CTIF: variants seen among roughly 807,000 people sequenced by gnomAD.
The protein encoded by CTIF is CBP80/20-dependent translation initiation factor.
CTIF carries 21 observed loss-of-function variants against 66.0 expected under a neutral mutation model. The ratio of observed to expected loss-of-function variants is 0.32; its 90% CI spans 0.23 to 0.46. CTIF has a LOEUF of 0.46. Ranked by LOEUF, CTIF falls within the 20% of genes least tolerant of loss-of-function variation. CTIF has a pLI of 1.00. For synonymous variants in CTIF, 345 were observed against 326.4 expected, an observed-to-expected ratio of 1.06 and a Z score of -0.62; for missense variants, 739 against 812.7, an observed-to-expected ratio of 0.91 and a Z score of 1.10.
chr18:48,702,954 G>T (rs1263710579), intron 6 of CTIF, among the ~76,000 whole-genome samples: 1 of 152,018 alleles, frequency 6.6e-6, no homozygotes, highest in Non-Finnish European at 1.5e-5. Flanking sequence ...GCAGGAGGAA[G>T]CCTCTGCTGT....
At chr18:48,561,018 C>G (rs1428947873) in intron 1 of CTIF, among the ~76,000 whole-genome samples, 2 of 152,202 alleles carry the variant, frequency 1.3e-5, no homozygotes, top group East Asian at 3.9e-4. Flanking sequence ...GCAGGCAGAT[C>G]ACTTGAGGTC....
At chr18:48,854,747 C>G (rs1036816605) in intron 10 of CTIF, among the ~76,000 whole-genome samples, 19 of 152,030 alleles carry the variant, frequency 1.2e-4, no homozygotes, top group African/African-American at 4.6e-4. Flanking sequence ...ATAGAGAGAC[C>G]CTGTCTCTAC....
At chr18:48,569,132 A>G (rs1220420220) in intron 1 of CTIF, among the ~76,000 whole-genome samples, 1 of 152,104 alleles carries the variant, frequency 6.6e-6, no homozygotes, top group Non-Finnish European at 1.5e-5. Context: ...ACCTCATTTT[A>G]CCTTAATTAC....
intron 3 of CTIF, among the ~76,000 whole-genome samples, chr18:48,643,355 A>G (rs1382117879): frequency 6.6e-6 from 1 of 152,220 alleles, no homozygotes; most frequent in African/African-American, 2.4e-5. Flanking sequence ...ACAGTTGTAG[A>G]AATGGGATTG....
intron 7 of CTIF, among the ~76,000 whole-genome samples, chr18:48,722,202 T>C (rs1281994207): frequency 7.0e-6 from 1 of 141,942 alleles, no homozygotes; most frequent in Non-Finnish European, 1.5e-5. Flanking sequence ...CTCCTGGCCC[T>C]GTGCTTTTTT....
chr18:48,603,751 C>G (rs1220133550), intron 1 of CTIF, among the ~76,000 whole-genome samples: 2 of 151,978 alleles, frequency 1.3e-5, no homozygotes, highest in Non-Finnish European at 2.9e-5. Context: ...TGGAGCTGCA[C>G]CATGAGATGC....
At chr18:48,645,655 C>T in intron 3 of CTIF, among the ~76,000 whole-genome samples, 1 of 152,244 alleles carries the variant, frequency 6.6e-6, no homozygotes, top group East Asian at 1.9e-4. Flanking sequence ...TGCACCCCCA[C>T]TGGGCAGTAT....
At chr18:48,793,429 T>C (rs1392227467) in intron 9 of CTIF, among the ~76,000 whole-genome samples, 1 of 152,228 alleles carries the variant, frequency 6.6e-6, no homozygotes, top group Non-Finnish European at 1.5e-5. Flanking sequence ...TGGCTTTATA[T>C]AACTCAGGCC....
chr18:48,818,889 A>G (rs1446152571), intron 10 of CTIF, among the ~76,000 whole-genome samples: 2 of 152,116 alleles, frequency 1.3e-5, no homozygotes, highest in Non-Finnish European at 2.9e-5. Context: ...GAGTGTGGAC[A>G]CGTCTTTCGA....
chr18:48,654,058 A>G (rs1037156244), intron 3 of CTIF, among the ~76,000 whole-genome samples: 1 of 152,244 alleles, frequency 6.6e-6, no homozygotes, highest in African/African-American at 2.4e-5. Flanking sequence ...TTCAGGACAT[A>G]GGCATGGGCA....
At chr18:48,789,981 T>A (rs546588916) in intron 9 of CTIF, among the ~76,000 whole-genome samples, 1 of 152,202 alleles carries the variant, frequency 6.6e-6, no homozygotes, top group Non-Finnish European at 1.5e-5. Context: ...CCCCTCTCTA[T>A]GTCCTAGGTG....
At position 48,605,716 on chromosome 18, in the gene CTIF, C is replaced by T. The variant is rs755065313; in HGVS notation, c.-28-13822C>T. On this transcript the variant is annotated intron_variant, in intron 1 of 11. Transcript: ENST00000256413. ...CTCACTGCAGCTGTCCCAGACTAGCCTGTGGGAGGAGCTCTTAGGTCACAG... is the reference window on the plus strand; with the variant it reads ...CTCACTGCAGCTGTCCCAGACTAGCTTGTGGGAGGAGCTCTTAGGTCACAG... Among the ~76,000 whole-genome samples, 6 of 152,042 alleles carry T rather than the reference C, an allele frequency of 3.9e-5. No individual in the cohort carries two copies. In the East Asian group the frequency reaches 1.2e-3, roughly 29 times the overall value.
intron 1 of CTIF, among the ~76,000 whole-genome samples, chr18:48,590,789 A>G (rs2089870981): frequency 6.6e-6 from 1 of 152,168 alleles, no homozygotes; most frequent in African/African-American, 2.4e-5. Context: ...CCCAGGCTCC[A>G]CTGGCTTCTG....
In CTIF at chr18:48,630,736, C is replaced by T. The variant is rs1047059886; in HGVS notation, c.181-5878C>T. Among the ~76,000 whole-genome samples the T allele has an allele frequency of 4.6e-5, 7 of 151,526 alleles. No homozygotes were observed. In the South Asian group the frequency reaches 1.0e-3, roughly 23 times the overall value. On this transcript the variant is annotated intron_variant, in intron 2 of 11. Transcript: ENST00000256413. Reference sequence around the variant, plus strand: ...TGTTGCCCAGGCTGGAGTGCGGTGGCGCGATCTCTGCTTACTGCAAGCTCT... The same window carrying T: ...TGTTGCCCAGGCTGGAGTGCGGTGGTGCGATCTCTGCTTACTGCAAGCTCT...
intron 1 of CTIF, among the ~76,000 whole-genome samples, chr18:48,588,082 C>G (rs1385190997): frequency 6.6e-6 from 1 of 152,164 alleles, no homozygotes; most frequent in Non-Finnish European, 1.5e-5. Flanking sequence ...CGGGGAGGCT[C>G]AGAACTGAGC....
chr18:48,687,564 T>C (rs1229255790), intron 6 of CTIF, among the ~76,000 whole-genome samples: 1 of 152,112 alleles, frequency 6.6e-6, no homozygotes, highest in African/African-American at 2.4e-5. Context: ...AGCTTTGTAT[T>C]TGCCCCTTCC....
chr18:48,725,724 G>A (rs1352785609), intron 7 of CTIF, among the ~76,000 whole-genome samples: 2 of 152,150 alleles, frequency 1.3e-5, no homozygotes, highest in Non-Finnish European at 2.9e-5. Flanking sequence ...CCAGAGTTAA[G>A]AGAATGATTT....
intron 9 of CTIF, among the ~76,000 whole-genome samples, chr18:48,782,316 C>T (rs1258231163): frequency 6.6e-6 from 1 of 152,012 alleles, no homozygotes; most frequent in Non-Finnish European, 1.5e-5. Context: ...GCTCCAGGGC[C>T]CCTGCCTGGC....
At chr18:48,813,557 A>G (rs2068304088) in intron 9 of CTIF, among the ~76,000 whole-genome samples, 1 of 152,214 alleles carries the variant, frequency 6.6e-6, no homozygotes, top group African/African-American at 2.4e-5. Context: ...GCTTAGGCAG[A>G]GTCTCCCTCT....
Sources: allele counts gnomAD v4.1 joint callset (sites outside exome capture counted in the v4.1 genomes callset), GRCh38; gene constraint gnomAD v4.1.1; transcripts MANE v1.5; gene names NCBI Gene and HGNC (gene_info 2026-07-23, HGNC 2026-07-21).